GLYATL2: variants seen among roughly 807,000 people sequenced by gnomAD.
The protein encoded by GLYATL2 is glycine-N-acyltransferase like 2, also known as glycine N-acyltransferase-like protein 2.
In GLYATL2, 25 loss-of-function variants were observed where a neutral mutation model predicts 21.4. The observed-to-expected ratio is 1.17, with a 90% confidence interval of 0.85 to 1.63. GLYATL2 has a LOEUF of 1.63. Ranked by LOEUF, GLYATL2 falls within the 40% of genes most tolerant of loss-of-function variation. GLYATL2 has a pLI of 0.00. For missense variants in GLYATL2, 361 were observed against 343.3 expected (o/e 1.05, Z -0.41); for synonymous variants, 114 against 118.2 (o/e 0.96, Z 0.23).
At chr11:58,863,420 G>A (rs969857048) in intron 1 of GLYATL2, among the ~76,000 whole-genome samples, 4 of 152,204 alleles carry the variant, frequency 2.6e-5, no homozygotes, top group African/African-American at 9.7e-5. Flanking sequence ...GGCTGACCTT[G>A]AGCCTGAGTC....
intron 1 of GLYATL2, among the ~76,000 whole-genome samples, chr11:58,874,698 T>C (rs1000421168): frequency 2.0e-5 from 3 of 152,248 alleles, no homozygotes; most frequent in Admixed American, 6.5e-5. Context: ...TGAGGAGTTC[T>C]TTACTTCCAA....
chr11:58,863,393 G>A (rs1185955057), intron 1 of GLYATL2, among the ~76,000 whole-genome samples: 1 of 152,210 alleles, frequency 6.6e-6, no homozygotes, highest in African/African-American at 2.4e-5. Context: ...AATGGACCTA[G>A]GATATTGGTA....
rs1371675301 is a variant in GLYATL2 at position 58,865,430 on chromosome 11, T to A, written n.61-27062A>T. ...GAAAAGTTTCCAGATCAAATATTTG[T>A]GTAAACTAATTCAACTAAAGCCTCA... On this transcript the variant is annotated intron_variant and non_coding_transcript_variant, in intron 1 of 4. Transcript: ENST00000533636. 1.3e-5 allele frequency among the ~76,000 whole-genome samples: 2 copies of A among 149,192 alleles called. 1 individual carries two copies. The highest frequency in any genetic ancestry group is 1.4e-4 in the Admixed American group (2 of 14,524).
chr11:58,861,105 T>C (rs1853923144), intron 1 of GLYATL2, among the ~76,000 whole-genome samples: 1 of 152,054 alleles, frequency 6.6e-6, no homozygotes, highest in South Asian at 2.1e-4. Flanking sequence ...AACAACTTTG[T>C]AAAATAACTT....
chr11:58,858,671 A>T (rs1043844676), intron 1 of GLYATL2, among the ~76,000 whole-genome samples: 2 of 152,198 alleles, frequency 1.3e-5, no homozygotes, highest in Non-Finnish European at 2.9e-5. Flanking sequence ...TAAAAAGGAA[A>T]AAAAGTTACC....
At chr11:58,893,133 C>G (rs1854574116) in intron 1 of GLYATL2, 1 of 403,380 alleles carries the variant, frequency 2.5e-6, no homozygotes, top group East Asian at 4.2e-5. Flanking sequence ...ATGAGAGGAG[C>G]CTTCCTTACA....
intron 1 of GLYATL2, among the ~76,000 whole-genome samples, chr11:58,843,608 G>A (rs977966033): frequency 3.9e-5 from 6 of 152,022 alleles, no homozygotes; most frequent in Non-Finnish European, 7.4e-5. Flanking sequence ...GTAGCATCCA[G>A]GAGAGAGAAG....
chr11:58,840,179 A>G (rs781229780), intron 1 of GLYATL2, among the ~76,000 whole-genome samples: 6 of 152,148 alleles, frequency 3.9e-5, no homozygotes, highest in Non-Finnish European at 7.3e-5. Context: ...AGGAAGAAAA[A>G]ATTGTTGATT....
At position 58,837,326 on chromosome 11, in the gene GLYATL2, C is replaced by A. The variant is rs1196285782; in HGVS notation, c.258G>T (p.Glu86Asp). The A allele has an allele frequency of 6.2e-7, 1 of 1,613,904 alleles. No homozygotes were observed. The highest frequency in any genetic ancestry group is 1.1e-5 in the South Asian group (1 of 91,070). Residue 86 changes from glutamate (E) to aspartate (D), a missense_variant, in exon 4 of 6, where the codon GAG becomes GAT. By Grantham distance (45) the Glu-to-Asp change is conservative (BLOSUM62 2). Coordinates refer to ENST00000287275, the MANE Select transcript of GLYATL2 (RefSeq NM_145016.4). The part of the protein sequence containing the change: ...HIFTKAPDKL[E>D]EVLSYSNVIS... ...TTACATTGGAGTATGACAGGACTTCCTCTAATTTGTCAGGAGCTTTGGTGA... is the reference window on the plus strand; with the variant it reads ...TTACATTGGAGTATGACAGGACTTCATCTAATTTGTCAGGAGCTTTGGTGA...
intron 1 of GLYATL2, among the ~76,000 whole-genome samples, chr11:58,861,296 A>G (rs1339061301): frequency 2.6e-5 from 4 of 151,480 alleles, no homozygotes; most frequent in East Asian, 3.9e-4. Flanking sequence ...TAGATTTTCA[A>G]TTTCTTCATC....
chr11:58,908,939 C>CA (rs1565115701), upstream of GLYATL2, among the ~76,000 whole-genome samples: 1 of 151,938 alleles, frequency 6.6e-6, no homozygotes, highest in Non-Finnish European at 1.5e-5. Context: ...CCTTATTTTC[C>CA]AAAAAAGAAA....
intron 1 of GLYATL2, among the ~76,000 whole-genome samples, chr11:58,872,396 T>C (rs978227211): frequency 2.0e-5 from 3 of 152,238 alleles, no homozygotes; most frequent in African/African-American, 7.2e-5. Flanking sequence ...TAGGTTTTCT[T>C]CTAGGGTTTT....
intron 1 of GLYATL2, among the ~76,000 whole-genome samples, chr11:58,849,906 G>A (rs375659715): frequency 6.6e-6 from 1 of 151,956 alleles, no homozygotes; most frequent in Admixed American, 6.6e-5. Flanking sequence ...TGCACGTTCA[G>A]CACATGTATC....
At chr11:58,852,268 ACCCCATCT>A (rs1565093294) in intron 1 of GLYATL2, among the ~76,000 whole-genome samples, 1 of 152,164 alleles carries the variant, frequency 6.6e-6, no homozygotes, top group African/African-American at 2.4e-5. Context: ...TAGATACCCA[ACCCCATCT>A]CCAGTTTTTC....
chr11:58,878,391 C>G (rs1854276032), intron 1 of GLYATL2: 2 of 625,142 alleles, frequency 3.2e-6, no homozygotes, highest in South Asian at 1.0e-4. Flanking sequence ...GGTAAGCTCC[C>G]TCTCGCATTT....
chr11:58,834,413 T>G lies in GLYATL2; in HGVS notation c.*16A>C, dbSNP rs751695812. The G allele has an allele frequency of 9.1e-6, 14 of 1,546,356 alleles. No homozygotes were observed. The highest frequency in any genetic ancestry group is 2.1e-5 in the Admixed American group (1 of 48,576). The stretch of plus-strand genomic sequence containing the variant: ...TTTTACTGATAAGAAAGATTTGAAA[T>G]GGACAGTGGAATCAATCAACAATAT... On this transcript the variant is annotated 3_prime_UTR_variant, in exon 6 of 6. Coordinates refer to ENST00000287275, the MANE Select transcript of GLYATL2 (RefSeq NM_145016.4).
chr11:58,857,001 G>T (rs1679410430), intron 1 of GLYATL2, among the ~76,000 whole-genome samples: 1 of 152,126 alleles, frequency 6.6e-6, no homozygotes, highest in African/African-American at 2.4e-5. Flanking sequence ...ATAAAATAAG[G>T]TGTGCCTGTA....
chr11:58,879,212 CAT>C (rs1854290362), intron 1 of GLYATL2, among the ~76,000 whole-genome samples: 1 of 151,686 alleles, frequency 6.6e-6, no homozygotes, highest in African/African-American at 2.4e-5. Context: ...AAATAAAAAA[CAT>C]GTGAATGGTA....
At chr11:58,905,366 T>A (rs1854838184), upstream of GLYATL2, 1 of 429,064 alleles carries the variant, frequency 2.3e-6, no homozygotes, top group African/African-American at 2.0e-5. Context: ...GGTGGAGCTC[T>A]CTCTGCTGCT....
Sources: gnomAD v4.1 joint callset for allele counts (sites outside exome capture counted in the v4.1 genomes callset) on GRCh38, gnomAD v4.1.1 for gene constraint, MANE v1.5 for transcripts, NCBI Gene and HGNC (gene_info 2026-07-23, HGNC 2026-07-21) for gene names.